Variants in SUN1 observed in about 807,000 individuals in gnomAD.
SUN1 encodes the protein Sad1 and UNC84 domain containing 1.
In SUN1, 61 loss-of-function variants were observed where a neutral mutation model predicts 103.2. That is an observed-to-expected ratio of 0.59 (90% CI 0.48 to 0.73). The LOEUF is 0.73. Among genes scored for constraint, SUN1 ranks in the 30% least tolerant of loss-of-function variants. The probability of loss-of-function intolerance (pLI) is 0.00; values close to 1 mark genes in which losing one functional copy is unlikely to be tolerated. For synonymous variants in SUN1, 490 were observed against 425.7 expected (o/e 1.15, Z -1.86); for missense variants, 1,052 against 1,034.6 (o/e 1.02, Z -0.23).
rs763405287 is a variant in SUN1, at chr7:838,833, C to T, written c.113C>T (p.Thr38Met). ...SYSSDALDFETEHKLDPVFDS... is the reference protein window; with the variant it reads ...SYSSDALDFEMEHKLDPVFDS... ...TCTTCAGATGCTCTGGATTTTGAGA[C>T]GGAGCACAAATTGGACCCTGTATTT... Residue 38 changes from threonine to methionine, a missense_variant, in exon 2 of 19, where the codon ACG (threonine) becomes ATG (methionine). Thr to Met is a moderately conservative substitution (Grantham distance 81). Transcript: ENST00000401592. The T allele has an allele frequency of 9.6e-6, 15 of 1,565,438 alleles. No homozygotes were observed. Among genetic ancestry groups the T allele is most frequent in the East Asian group, 2.3e-5 (1 of 43,010 alleles).
In SUN1 at chr7:873,392, A is replaced by C; in HGVS notation, c.*61A>C. On this transcript the variant is annotated 3_prime_UTR_variant, in exon 19 of 19. Coordinates refer to ENST00000401592, the MANE Select transcript of SUN1 (RefSeq NM_001130965.3). ...TACTGGGACAGCGTGAAACACTGGA[A>C]TCCTTCATGGACGAGGGCATATACA... The C allele has an allele frequency of 7.0e-7, 1 of 1,430,132 alleles. No homozygotes were observed. Among genetic ancestry groups the C allele is most frequent in the South Asian group, 1.1e-5 (1 of 87,238 alleles). 88.6% of individuals were successfully genotyped at this position (1,430,132 alleles called of 1,614,324 possible).
rs1028817172 is a variant in SUN1 at position 872,492 on chromosome 7, A to G, written c.2171A>G (p.Glu724Gly). 5.0e-6 allele frequency: 8 copies of G among 1,604,792 alleles called. No individual in the cohort carries two copies. In the African/African-American group the frequency reaches 1.1e-4, roughly 21 times the overall value. The change falls in exon 18 of 19, where the codon GAA becomes GGA. Residue 724 changes from glutamate (E) to glycine (G), a missense_variant. Coordinates refer to ENST00000401592, the MANE Select transcript of SUN1 (RefSeq NM_001130965.3). ...CAGGGATTAGAAAATGAGTATCAGG[A>G]AGAAGGGCAGCTTCTGGGACAGTTC... ...AVYGLENEYQ[E>G]EGQLLGQFTY... is the part of the protein sequence containing the mutation.
Position 842,134 on chromosome 7 carries a change from A to G in SUN1, c.451+4A>G, listed in dbSNP as rs758085551. 5 of 1,607,590 alleles carry G rather than the reference A, an allele frequency of 3.1e-6. No homozygotes were observed. In the East Asian group the frequency reaches 8.9e-5, roughly 29 times the overall value. On this transcript the variant is annotated splice_donor_region_variant and intron_variant, in intron 3 of 18. Coordinates refer to ENST00000401592, the MANE Select transcript of SUN1 (RefSeq NM_001130965.3). ...ACCACAGTGGACCACTTCTGGGGTG[A>G]GTCCCTGCGAGACACAGATTGTCCC... is the stretch of plus-strand genomic sequence containing the variant.
chr7:821,117 A>G (rs1356273918), intron 1 of SUN1, among the ~76,000 whole-genome samples: 1 of 135,486 alleles, frequency 7.4e-6, no homozygotes, highest in Non-Finnish European at 1.6e-5. Context: ...TCAAAGGGGT[A>G]TGTGGAAGAG....
chr7:862,226 C>T (rs1832785384), intron 15 of SUN1, among the ~76,000 whole-genome samples: 1 of 152,224 alleles, frequency 6.6e-6, no homozygotes, highest in Non-Finnish European at 1.5e-5. Context: ...ACTCACATCA[C>T]TCAGAAGATG....
chr7:832,619 C>T lies in SUN1; in HGVS notation c.77+18C>T, dbSNP rs1051521759. ...GCGCTCAGGTGAGTGTGCACCTGCA[C>T]GTGGGGTCCTGGCCTTGCAATGCCC... On this transcript the variant is annotated intron_variant, in intron 1 of 18. Transcript: ENST00000401592. 1.1e-5 allele frequency: 18 copies of T among 1,602,542 alleles called. No homozygotes were observed. Among genetic ancestry groups the T allele is most frequent in the Middle Eastern group, 1.7e-4 (1 of 6,038 alleles).
At position 866,068 on chromosome 7, in the gene SUN1, G is replaced by A; in HGVS notation, c.1980+1G>A. On this transcript the variant is annotated splice_donor_variant, in intron 16 of 18. Transcript: ENST00000401592. LOFTEE classifies it high-confidence loss of function. ...GCAGTCCCCGCGCGTGGTCATCCAG[G>A]TGAGTGGCCGCCGGTGGCCGGAGCT... is the stretch of plus-strand genomic sequence containing the variant. 1.2e-6 allele frequency: 2 copies of A among 1,613,890 alleles called. No homozygotes were observed. Among genetic ancestry groups the A allele is most frequent in the Non-Finnish European group, 1.7e-6 (2 of 1,179,824 alleles).
chr7:852,449 G>T (rs961439400), intron 7 of SUN1, 160 bp from the exon 8 acceptor site: 27 of 777,410 alleles, frequency 3.5e-5, no homozygotes, highest in East Asian at 2.3e-4. Flanking sequence ...TTACATGAAG[G>T]TTCTCCTGAA....
intron 5 of SUN1, among the ~76,000 whole-genome samples, chr7:846,537 T>C (rs1378652871): frequency 6.6e-6 from 1 of 151,838 alleles, no homozygotes; most frequent in Non-Finnish European, 1.5e-5. Flanking sequence ...ATCATACCAC[T>C]GCACTTCAGC....
chr7:820,767 T>G (rs562033440), intron 1 of SUN1, among the ~76,000 whole-genome samples: 203 of 152,346 alleles, frequency 1.3e-3, no homozygotes, highest in African/African-American at 4.7e-3. Context: ...TGTTGGAGTT[T>G]GTGAGGTGCT....
chr7:848,682 C>T (rs780284766), intron 5 of SUN1: 12 of 1,179,604 alleles, frequency 1.0e-5, no homozygotes, highest in Non-Finnish European at 1.3e-5. Context: ...AGTGCTGTGA[C>T]TTTCCTCGCC....
chr7:843,994 T>A, intron 5 of SUN1: 1 of 670,538 alleles, frequency 1.5e-6, no homozygotes, highest in Non-Finnish European at 1.9e-6. Context: ...AGAGAACCTG[T>A]AGGTCTGGGA....
chr7:864,554 CAAAAA>C (rs551547626), intron 15 of SUN1, among the ~76,000 whole-genome samples: 5,709 of 95,186 alleles, frequency 0.06, 252 homozygotes, highest in East Asian at 0.21. Context: ...AACTTTATCT[CAAAAA>C]AAAAAAAAAA....
At chr7:845,737 G>A (rs1311613093) in intron 5 of SUN1, among the ~76,000 whole-genome samples, 3 of 152,202 alleles carry the variant, frequency 2.0e-5, no homozygotes, top group Non-Finnish European at 4.4e-5. Flanking sequence ...CAGTAGTACA[G>A]ATAAAATAAG....
chr7:858,230 T>A (rs1156559833), intron 13 of SUN1, among the ~76,000 whole-genome samples: 1 of 152,054 alleles, frequency 6.6e-6, no homozygotes, highest in Non-Finnish European at 1.5e-5. Context: ...AATTTTTGTA[T>A]TTTTAGTAGA....
chr7:849,723 A>G, intron 5 of SUN1: 1 of 1,197,522 alleles, frequency 8.4e-7, no homozygotes, highest in Non-Finnish European at 1.2e-6. Context: ...CTCACTGATG[A>G]CGACGGGCTG....
chr7:845,373 G>A (rs950635465), intron 5 of SUN1, among the ~76,000 whole-genome samples: 3 of 152,190 alleles, frequency 2.0e-5, no homozygotes, highest in Non-Finnish European at 4.4e-5. Flanking sequence ...TCCTTCCCGC[G>A]GGGTTTCTGG....
intron 14 of SUN1, among the ~76,000 whole-genome samples, chr7:860,889 C>T (rs764901880): frequency 2.0e-5 from 3 of 152,110 alleles, no homozygotes; most frequent in Non-Finnish European, 4.4e-5. Flanking sequence ...TCAGATCTCC[C>T]GAGACTATCA....
chr7:841,244 A>ATTT (rs370665607), intron 2 of SUN1, among the ~76,000 whole-genome samples: 17,952 of 119,962 alleles, frequency 0.15, 1,632 homozygotes, highest in South Asian at 0.23. Context: ...ATGACCACCT[A>ATTT]TTTTTTTTTT....
Sources: allele counts gnomAD v4.1 joint callset (sites outside exome capture counted in the v4.1 genomes callset), GRCh38; gene constraint gnomAD v4.1.1; transcripts MANE v1.5; gene names NCBI Gene and HGNC (gene_info 2026-07-23, HGNC 2026-07-21).